The following PRKAR1B variants were observed in gnomAD, a reference collection of about 807,000 sequenced individuals.
PRKAR1B encodes the protein protein kinase cAMP-dependent type I regulatory subunit beta, also known as cAMP-dependent protein kinase type I-beta regulatory subunit.
PRKAR1B carries 22 observed loss-of-function variants against 46.5 expected under a neutral mutation model. The ratio of observed to expected loss-of-function variants is 0.47; its 90% CI spans 0.34 to 0.68. The LOEUF (loss-of-function observed/expected upper bound fraction) is 0.68, where lower values mean the gene tolerates loss of function less well. PRKAR1B is among the 30% of genes least tolerant of loss of function. The pLI is 0.01. For synonymous variants in PRKAR1B, 259 were observed against 217.7 expected (o/e 1.19, Z -1.67); for missense variants, 445 against 535.6 (o/e 0.83, Z 1.67).
At chr7:635,944 A>ATCCTCCACCGGCCGCGCCCACACG (rs1784032487) in intron 4 of PRKAR1B, among the ~76,000 whole-genome samples, 4 of 109,236 alleles carry the variant, frequency 3.7e-5, no homozygotes, top group Non-Finnish European at 4.0e-5. Flanking sequence ...GCGCCCACAC[A>ATCCTCCACCGGCCGCGCCCACACG]TCCTCCACCG....
intron 6 of PRKAR1B, among the ~76,000 whole-genome samples, chr7:599,424 G>T (rs1014612608): frequency 2.6e-5 from 4 of 151,986 alleles, no homozygotes; most frequent in African/African-American, 7.2e-5. Flanking sequence ...CAGCCTCCCG[G>T]ATTACAGGCA....
upstream of PRKAR1B, among the ~76,000 whole-genome samples, chr7:727,850 C>G (rs4724904): frequency 0.46 from 68,194 of 147,360 alleles, 16,048 homozygotes; most frequent in African/African-American, 0.48. Context: ...GCCCACGAGC[C>G]AGCGCTTCTG....
intron 2 of PRKAR1B, among the ~76,000 whole-genome samples, chr7:683,080 A>C (rs1018037397): frequency 2.0e-5 from 3 of 152,160 alleles, no homozygotes; most frequent in Non-Finnish European, 4.4e-5. Context: ...GAGGTGGAGG[A>C]GGAATTCAGG....
chr7:668,103 T>C (rs948496139), intron 4 of PRKAR1B, among the ~76,000 whole-genome samples: 5 of 152,104 alleles, frequency 3.3e-5, no homozygotes, highest in African/African-American at 1.2e-4. Flanking sequence ...GAGGGGTCAT[T>C]AGGCCAGCAG....
At chr7:563,420 C>T (rs902123676) in intron 9 of PRKAR1B, among the ~76,000 whole-genome samples, 19 of 152,294 alleles carry the variant, frequency 1.2e-4, no homozygotes, top group African/African-American at 4.3e-4. Flanking sequence ...AGGCTGTGCA[C>T]TGTCCACTCA....
At chr7:582,700 C>CAA (rs1317544108) in intron 8 of PRKAR1B, among the ~76,000 whole-genome samples, 2 of 152,232 alleles carry the variant, frequency 1.3e-5, no homozygotes, top group Non-Finnish European at 2.9e-5. Flanking sequence ...TGGCCTGCAG[C>CAA]AACCGTTGTC....
chr7:636,549 G>A (rs988465562), intron 4 of PRKAR1B, among the ~76,000 whole-genome samples: 3 of 152,172 alleles, frequency 2.0e-5, no homozygotes, highest in African/African-American at 7.2e-5. Flanking sequence ...GCTGGTCCTG[G>A]GGCCCCTCCT....
intron 2 of PRKAR1B, chr7:696,718 T>C (rs551131362): frequency 5.3e-5 from 8 of 152,358 alleles, no homozygotes; most frequent in African/African-American, 1.2e-4. Context: ...AGGAACGAGG[T>C]TGGGGTCCCA....
At position 588,759 on chromosome 7, in the gene PRKAR1B, ATGG is replaced by A. The variant is rs1780786675; in HGVS notation, c.709-4194_709-4192del. ...AGTGACAGTGGTGATGGTGATGGTG[ATGG>A]TGGTGATGGTGATGGTGGTGATGGT... On this transcript the variant is annotated intron_variant, in intron 7 of 10. Coordinates refer to ENST00000537384, the MANE Select transcript of PRKAR1B (RefSeq NM_001164760.2). 7.2e-5 allele frequency among the ~76,000 whole-genome samples: 2 copies of A among 27,854 alleles called. 1 individual carries two copies. Among genetic ancestry groups the A allele is most frequent in the Non-Finnish European group, 1.3e-4 (2 of 14,862 alleles). 18.3% of individuals were successfully genotyped at this position (27,854 alleles called of 152,430 possible). A position where few individuals can be genotyped will look rare whatever the true frequency, so the allele number is the denominator to read the frequency against.
intron 5 of PRKAR1B, among the ~76,000 whole-genome samples, chr7:606,798 A>T (rs1393334068): frequency 9.4e-5 from 13 of 138,778 alleles, no homozygotes; most frequent in African/African-American, 3.2e-4. Flanking sequence ...GTGTGTGTAT[A>T]ATTTTATATT....
At chr7:680,424 T>A in intron 3 of PRKAR1B, 132 bp downstream of exon 3, 2 of 931,146 alleles carry the variant, frequency 2.1e-6, no homozygotes, top group Non-Finnish European at 3.1e-6. Context: ...ACCCACATAG[T>A]CCTCCCTCCA....
chr7:557,650 G>A (rs906236246), intron 9 of PRKAR1B, among the ~76,000 whole-genome samples: 8 of 152,142 alleles, frequency 5.3e-5, no homozygotes, highest in East Asian at 1.9e-4. Flanking sequence ...GGCGGCCGCC[G>A]CAACCACCAC....
chr7:618,282 G>C (rs1488617134), intron 4 of PRKAR1B, among the ~76,000 whole-genome samples: 2 of 152,208 alleles, frequency 1.3e-5, no homozygotes, highest in African/African-American at 4.8e-5. Flanking sequence ...TGTTTCGTGG[G>C]ACATCCTATT....
intron 6 of PRKAR1B, among the ~76,000 whole-genome samples, chr7:601,300 C>T (rs965226677): frequency 1.8e-4 from 28 of 152,340 alleles, no homozygotes; most frequent in African/African-American, 6.5e-4. Context: ...CATCCCATTG[C>T]CCCAGGGAGG....
intron 8 of PRKAR1B, among the ~76,000 whole-genome samples, chr7:583,610 T>TCA (rs1780406103): frequency 8.2e-5 from 4 of 48,988 alleles, no homozygotes; most frequent in African/African-American, 3.1e-4. Flanking sequence ...ACACACCCCC[T>TCA]CACACGTGCA....
chr7:646,833 C>T (rs923625935), intron 4 of PRKAR1B, among the ~76,000 whole-genome samples: 6 of 152,158 alleles, frequency 3.9e-5, no homozygotes, highest in Non-Finnish European at 5.9e-5. Context: ...GCCATCCGCC[C>T]GATCATAACA....
At chr7:623,993 A>G (rs1783247566) in intron 4 of PRKAR1B, among the ~76,000 whole-genome samples, 1 of 152,192 alleles carries the variant, frequency 6.6e-6, no homozygotes, top group African/African-American at 2.4e-5. Context: ...TTGCTAGTCC[A>G]TGCCACTGGC....
intron 4 of PRKAR1B, among the ~76,000 whole-genome samples, chr7:655,849 C>G (rs1395039175): frequency 6.6e-6 from 1 of 152,114 alleles, no homozygotes; most frequent in Non-Finnish European, 1.5e-5. Context: ...CCTCAGTTAC[C>G]CTCTGGGTGA....
At chr7:569,069 C>CA (rs527942830) in intron 9 of PRKAR1B, among the ~76,000 whole-genome samples, 3,635 of 134,120 alleles carry the variant, frequency 0.027, 83 homozygotes, top group African/African-American at 0.072. Flanking sequence ...CTTACATTAA[C>CA]AAAAAAAAAA....
Sources: allele counts gnomAD v4.1 joint callset (sites outside exome capture counted in the v4.1 genomes callset), GRCh38; gene constraint gnomAD v4.1.1; transcripts MANE v1.5; gene names NCBI Gene and HGNC (gene_info 2026-07-23, HGNC 2026-07-21).